The following SNTG1 variants were observed in gnomAD, a reference collection of about 807,000 sequenced individuals.
SNTG1 encodes the protein syntrophin gamma 1.
Under a neutral mutation model 74.7 loss-of-function variants are expected in SNTG1, and 39 were observed. That is an observed-to-expected ratio of 0.52 (90% CI 0.40 to 0.68). The LOEUF is 0.68. Ranked by LOEUF, SNTG1 falls within the 30% of genes least tolerant of loss-of-function variation. The probability of loss-of-function intolerance (pLI) is 0.00; values close to 1 mark genes in which losing one functional copy is unlikely to be tolerated. For missense variants in SNTG1, 685 were observed against 609.5 expected (o/e 1.12, Z -1.30); for synonymous variants, 254 against 217.1 (o/e 1.17, Z -1.49).
At chr8:50,326,536 T>C (rs4413786) in intron 2 of SNTG1, among the ~76,000 whole-genome samples, 69,427 of 151,590 alleles carry the variant, frequency 0.46, 18,743 homozygotes, top group East Asian at 0.78. Context: ...TCTATACTTA[T>C]GTCTCCTCTT....
intron 15 of SNTG1, among the ~76,000 whole-genome samples, chr8:50,692,573 T>A (rs1378128261): frequency 6.6e-6 from 1 of 152,152 alleles, no homozygotes; most frequent in Non-Finnish European, 1.5e-5. Context: ...CGGACATTAG[T>A]GAACCGCAAA....
At chr8:50,156,599 T>A (rs1295274036) in intron 1 of SNTG1, among the ~76,000 whole-genome samples, 2 of 152,034 alleles carry the variant, frequency 1.3e-5, no homozygotes, top group Non-Finnish European at 2.9e-5. Flanking sequence ...AAATATAGGT[T>A]GGGATATGTG....
chr8:50,209,607 C>A, intron 2 of SNTG1, among the ~76,000 whole-genome samples: 1 of 152,180 alleles, frequency 6.6e-6, no homozygotes, highest in Non-Finnish European at 1.5e-5. Context: ...CCCAGGCAAA[C>A]AGAGTCTGGA....
chr8:50,479,378 C>T (rs538163089), intron 8 of SNTG1, among the ~76,000 whole-genome samples: 9 of 152,092 alleles, frequency 5.9e-5, no homozygotes, highest in Middle Eastern at 3.4e-3. Flanking sequence ...TGTTTTTAAG[C>T]GTTCCAAATC....
chr8:49,930,150 A>G (rs1239688204), intron 1 of SNTG1, among the ~76,000 whole-genome samples: 5 of 152,122 alleles, frequency 3.3e-5, no homozygotes, highest in Admixed American at 1.3e-4. Context: ...AGATGAGGAC[A>G]AAAAGAAGTC....
chr8:50,695,123 C>A (rs75814226), intron 15 of SNTG1, among the ~76,000 whole-genome samples: 1,777 of 151,584 alleles, frequency 0.012, 32 homozygotes, highest in African/African-American at 0.041. Flanking sequence ...GGCATAAAGA[C>A]TGAAAAAGAA....
At chr8:50,409,947 T>C (rs556144428) in intron 4 of SNTG1, among the ~76,000 whole-genome samples, 1 of 152,290 alleles carries the variant, frequency 6.6e-6, no homozygotes, top group Admixed American at 6.5e-5. Flanking sequence ...ATACAATCAG[T>C]ACCTCAGTGT....
rs1158193735 is a variant in SNTG1, at chr8:50,444,710, A to G, written c.220-4958A>G. ...GGTTGCAGTGAGCCAAGATTGTGCCACTGCACTCCAGCCTGGGCGACAGAG... is the reference window on the plus strand; with the variant it reads ...GGTTGCAGTGAGCCAAGATTGTGCCGCTGCACTCCAGCCTGGGCGACAGAG... On this transcript the variant is annotated intron_variant, in intron 5 of 18. Transcript: ENST00000642720. Among the ~76,000 whole-genome samples the G allele has an allele frequency of 6.0e-5, 9 of 150,630 alleles. No homozygotes were observed. The Admixed American group carries it at 6.0e-4, about 10-fold the overall frequency.
intron 16 of SNTG1, among the ~76,000 whole-genome samples, chr8:50,706,627 AAGATAAACATC>A (rs2095444286): frequency 6.6e-6 from 1 of 152,184 alleles, no homozygotes. Flanking sequence ...ATGCCAGTGT[AAGATAAACATC>A]AGAAGTGAAA....
chr8:50,626,748 T>C (rs886863376), intron 13 of SNTG1, among the ~76,000 whole-genome samples: 1 of 152,134 alleles, frequency 6.6e-6, no homozygotes, highest in Admixed American at 6.6e-5. Context: ...CTCATTCTGA[T>C]AAACCCACAA....
chr8:50,059,107 T>C (rs1820265695), intron 1 of SNTG1, among the ~76,000 whole-genome samples: 1 of 152,180 alleles, frequency 6.6e-6, no homozygotes, highest in Admixed American at 6.6e-5. Flanking sequence ...TGAGTAGTAT[T>C]CCATAGTACC....
At chr8:50,419,366 T>A (rs968154648) in intron 4 of SNTG1, among the ~76,000 whole-genome samples, 1 of 152,198 alleles carries the variant, frequency 6.6e-6, no homozygotes, top group African/African-American at 2.4e-5. Flanking sequence ...ACTGATGTTC[T>A]CCAGCTCTGT....
At chr8:50,791,194 A>C (rs1425506158) in intron 18 of SNTG1, among the ~76,000 whole-genome samples, 1 of 151,910 alleles carries the variant, frequency 6.6e-6, no homozygotes, top group African/African-American at 2.4e-5. Flanking sequence ...GGGTGAGTTA[A>C]GGCAAAGAGA....
chr8:50,437,742 C>T (rs987246871), intron 4 of SNTG1, among the ~76,000 whole-genome samples: 5 of 152,124 alleles, frequency 3.3e-5, no homozygotes, highest in African/African-American at 1.2e-4. Context: ...TAAGTTAAAG[C>T]GTTCAGCCCT....
At chr8:49,928,455 T>G (rs1807249838) in intron 1 of SNTG1, among the ~76,000 whole-genome samples, 1 of 152,024 alleles carries the variant, frequency 6.6e-6, no homozygotes, top group Non-Finnish European at 1.5e-5. Flanking sequence ...GCTCTCGAAC[T>G]CCTAACCTCA....
intron 2 of SNTG1, among the ~76,000 whole-genome samples, chr8:50,315,973 A>G (rs2090303425): frequency 6.6e-6 from 1 of 152,124 alleles, no homozygotes; most frequent in African/African-American, 2.4e-5. Context: ...AATCTCTCAA[A>G]TGTTTTTCCC....
intron 1 of SNTG1, among the ~76,000 whole-genome samples, chr8:49,927,125 G>T (rs896741553): frequency 6.6e-6 from 1 of 152,182 alleles, no homozygotes; most frequent in African/African-American, 2.4e-5. Flanking sequence ...CAAGAATGTG[G>T]GGAAACAGAA....
intron 1 of SNTG1, among the ~76,000 whole-genome samples, chr8:50,091,280 T>C (rs1302038337): frequency 1.3e-5 from 2 of 152,034 alleles, no homozygotes; most frequent in Non-Finnish European, 1.5e-5. Flanking sequence ...TCTTCCTTTT[T>C]TTTTCTTTTT....
At chr8:50,262,699 G>A (rs1374152541) in intron 2 of SNTG1, among the ~76,000 whole-genome samples, 1 of 152,068 alleles carries the variant, frequency 6.6e-6, no homozygotes, top group Non-Finnish European at 1.5e-5. Context: ...GTGAGCCACC[G>A]CGCCCGGCCC....
Sources: gnomAD v4.1 joint callset for allele counts (sites outside exome capture counted in the v4.1 genomes callset) on GRCh38, gnomAD v4.1.1 for gene constraint, MANE v1.5 for transcripts, NCBI Gene and HGNC (gene_info 2026-07-23, HGNC 2026-07-21) for gene names.